BCLAF1: variants seen among roughly 807,000 people sequenced by gnomAD.
BCLAF1 encodes BCL2 associated transcription factor 1.
Under a neutral mutation model 99.5 loss-of-function variants are expected in BCLAF1, and 10 were observed. That is an observed-to-expected ratio of 0.10 (90% CI 0.06 to 0.17). The LOEUF is 0.17. Ranked by LOEUF, BCLAF1 falls within the 10% of genes least tolerant of loss-of-function variation. BCLAF1 has a pLI of 1.00. For missense variants in BCLAF1, 636 were observed against 1,105.8 expected (o/e 0.58, Z 6.02); for synonymous variants, 255 against 370.9 (o/e 0.69, Z 3.59).
At chr6:136,289,126 G>C (rs183603510) in intron 1 of BCLAF1, among the ~76,000 whole-genome samples, 1 of 152,330 alleles carries the variant, frequency 6.6e-6, no homozygotes, top group East Asian at 1.9e-4. Flanking sequence ...TCACAAAAAC[G>C]AGGCATTAAC....
At chr6:136,269,312 C>A (rs746961582) in intron 9 of BCLAF1, 125 bp downstream of exon 9, 3 of 1,536,112 alleles carry the variant, frequency 2.0e-6, no homozygotes, top group South Asian at 2.4e-5. Context: ...TGCTGTAAAA[C>A]AAATAATTTT....
rs1032161920 is a variant in BCLAF1, at chr6:136,275,763, G to T, written c.1683-62C>A. 3.8e-6 allele frequency: 6 copies of T among 1,560,756 alleles called. No individual in the cohort carries two copies. In the Admixed American group the frequency reaches 5.8e-5, roughly 15 times the overall value. On this transcript the variant is annotated intron_variant, in intron 5 of 12. Coordinates refer to ENST00000531224, the MANE Select transcript of BCLAF1 (RefSeq NM_014739.3). Reference sequence around the variant, plus strand: ...TACCATTGGTTTAAATATAAAAATGGTATGTTCAGAAAGTTTAAGATAATT... The same window carrying T: ...TACCATTGGTTTAAATATAAAAATGTTATGTTCAGAAAGTTTAAGATAATT...
chr6:136,271,957 G>C, intron 8 of BCLAF1, 38 bp downstream of exon 8: 1 of 1,450,016 alleles, frequency 6.9e-7, no homozygotes, highest in Non-Finnish European at 9.6e-7. Context: ...TAACTAAGCT[G>C]AACTTAACAC....
At chr6:136,265,539 T>C (rs577964760) in intron 11 of BCLAF1, among the ~76,000 whole-genome samples, 41 of 152,262 alleles carry the variant, frequency 2.7e-4, no homozygotes, top group Admixed American at 5.9e-4. Context: ...TAAAACTCTA[T>C]TTTCTTAAAA....
rs576334888 is a variant in BCLAF1, at chr6:136,284,165, G to A, written c.-114-1478C>T. On this transcript the variant is annotated intron_variant, in intron 1 of 12. Transcript: ENST00000531224. ...ATATATATATATATATATATCCAGA[G>A]AAGACCCAACTGCCAGATCTCTTTA... 1.3e-3 allele frequency among the ~76,000 whole-genome samples: 154 copies of A among 115,148 alleles called. 1 individual carries two copies. Among genetic ancestry groups the A allele is most frequent in the African/African-American group, 7.5e-3 (149 of 19,890 alleles). The allele number at this position is 115,148 out of a possible 152,430, so 75.5% of individuals were successfully genotyped here.
chr6:136,280,760 A>C lies in BCLAF1; in HGVS notation c.-10-884T>G, dbSNP rs542300687. Among the ~76,000 whole-genome samples the C allele has an allele frequency of 5.9e-5, 9 of 152,272 alleles. No individual in the cohort carries two copies. The South Asian group carries it at 1.9e-3, about 32-fold the overall frequency. On this transcript the variant is annotated intron_variant, in intron 2 of 12. Coordinates refer to ENST00000531224, the MANE Select transcript of BCLAF1 (RefSeq NM_014739.3). Reference sequence around the variant, plus strand: ...ATTGAAAAAACATACACATATAGCAAATCACTGCATGCATATCCCAAATGT... The same window carrying C: ...ATTGAAAAAACATACACATATAGCACATCACTGCATGCATATCCCAAATGT...
At chr6:136,276,571 A>G (rs931774890) in intron 4 of BCLAF1, 63 bp from the exon 5 acceptor site, 14 of 1,496,514 alleles carry the variant, frequency 9.4e-6, no homozygotes, top group African/African-American at 7.0e-5. Context: ...TCGCTTCCAT[A>G]TTTAAATGTG....
chr6:136,260,259 T>G lies in BCLAF1; in HGVS notation c.*851A>C, dbSNP rs1478629025. ...TACATACCAACCCCAGGATTACAGT[T>G]TTTCTTCTGTTTAAAACTAGGATGT... is the stretch of plus-strand genomic sequence containing the variant. On this transcript the variant is annotated 3_prime_UTR_variant, in exon 13 of 13. Transcript: ENST00000531224. 6.6e-6 allele frequency: 1 copy of G among 152,030 alleles called. No individual in the cohort carries two copies. Among genetic ancestry groups the G allele is most frequent in the Non-Finnish European group, 1.5e-5 (1 of 67,902 alleles). 9.4% of individuals were successfully genotyped at this position (152,030 alleles called of 1,614,324 possible). A position where few individuals can be genotyped will look rare whatever the true frequency, so the allele number is the denominator to read the frequency against.
At chr6:136,289,320 T>C (rs930788383) in intron 1 of BCLAF1, among the ~76,000 whole-genome samples, 5 of 152,200 alleles carry the variant, frequency 3.3e-5, no homozygotes, top group African/African-American at 9.7e-5. Flanking sequence ...GTCGGCGCCA[T>C]AGGCGGGGGA....
At chr6:136,261,507 G>A (rs1554212857) in intron 11 of BCLAF1, 30 bp from the exon 12 acceptor site, 14 of 1,585,264 alleles carry the variant, frequency 8.8e-6, no homozygotes, top group Non-Finnish European at 1.2e-5. Flanking sequence ...AATTGTCAAT[G>A]AAATGTTTCT....
rs968045222 is a variant in BCLAF1 at position 136,289,815 on chromosome 6, A to C, written c.-217T>G. ...GAGGAAAACCATAGAGCTACCTTCG[A>C]CGCGCTAGCACGTCTCCGTCACTTC... is the stretch of plus-strand genomic sequence containing the variant. On this transcript the variant is annotated 5_prime_UTR_variant, in exon 1 of 13. Coordinates refer to ENST00000531224, the MANE Select transcript of BCLAF1 (RefSeq NM_014739.3). 2.0e-5 allele frequency: 3 copies of C among 152,630 alleles called. No homozygotes were observed. Among genetic ancestry groups the C allele is most frequent in the African/African-American group, 7.2e-5 (3 of 41,444 alleles). The allele number at this position is 152,630 out of a possible 1,614,324, so 9.5% of individuals were successfully genotyped here.
rs191881016 is a variant in BCLAF1 at position 136,266,035 on chromosome 6, A to G, written c.2544+994T>C. Among the ~76,000 whole-genome samples the G allele has an allele frequency of 1.6e-3, 238 of 151,730 alleles. 1 individual carries two copies. The highest frequency in any genetic ancestry group is 0.012 in the East Asian group (63 of 5,178). On this transcript the variant is annotated intron_variant, in intron 11 of 12. Coordinates refer to ENST00000531224, the MANE Select transcript of BCLAF1 (RefSeq NM_014739.3). ...ACTGAGAAAACATTATGCATAACGC[A>G]CTCTGTAACTTTTTTTTTTTGGTTC... is the stretch of plus-strand genomic sequence containing the variant.
intron 3 of BCLAF1, among the ~76,000 whole-genome samples, chr6:136,279,237 T>C (rs910721706): frequency 6.6e-6 from 1 of 152,166 alleles, no homozygotes; most frequent in African/African-American, 2.4e-5. Context: ...GGAAAAAGAA[T>C]GAGCATCAAC....
At chr6:136,262,921 C>T (rs1781214084) in intron 11 of BCLAF1, among the ~76,000 whole-genome samples, 1 of 152,076 alleles carries the variant, frequency 6.6e-6, no homozygotes, top group Non-Finnish European at 1.5e-5. Flanking sequence ...TTTGGGCAAC[C>T]TCTCTAGAAT....
chr6:136,273,196 T>G lies in BCLAF1; in HGVS notation c.1853-9A>C, dbSNP rs1782782430. On this transcript the variant is annotated splice_polypyrimidine_tract_variant and intron_variant, in intron 6 of 12. Coordinates refer to ENST00000531224, the MANE Select transcript of BCLAF1 (RefSeq NM_014739.3). The stretch of plus-strand genomic sequence containing the variant: ...TGACTTGAAGTATTGCTCTGTTGAT[T>G]TAGAAGAAATACTGTCCGATTAGTT... 1 of 1,607,126 alleles carries G rather than the reference T, an allele frequency of 6.2e-7. No homozygotes were observed.
At chr6:136,289,434 G>A (rs1785648176) in intron 1 of BCLAF1, among the ~76,000 whole-genome samples, 1 of 152,160 alleles carries the variant, frequency 6.6e-6, no homozygotes, top group Non-Finnish European at 1.5e-5. Flanking sequence ...ATATGCGCAC[G>A]CGCACGGGAG....
In BCLAF1 at chr6:136,259,209, G is replaced by A. The variant is rs565314548; in HGVS notation, c.*1901C>T. 1 of 151,980 alleles carries A rather than the reference G, an allele frequency of 6.6e-6. No individual in the cohort carries two copies. Among genetic ancestry groups the A allele is most frequent in the South Asian group, 2.1e-4 (1 of 4,820 alleles). 9.4% of individuals were successfully genotyped at this position (151,980 alleles called of 1,614,324 possible). A position where few individuals can be genotyped will look rare whatever the true frequency, so the allele number is the denominator to read the frequency against. On this transcript the variant is annotated 3_prime_UTR_variant, in exon 13 of 13. Coordinates refer to ENST00000531224, the MANE Select transcript of BCLAF1 (RefSeq NM_014739.3). Reference sequence around the variant, plus strand: ...GTTTAACAGAATAAAAGTAACCAAAGGTTAAAGCAATGCATTTGAACTTAA... The same window carrying A: ...GTTTAACAGAATAAAAGTAACCAAAAGTTAAAGCAATGCATTTGAACTTAA...
chr6:136,274,884 A>G (rs1039917448), intron 6 of BCLAF1, among the ~76,000 whole-genome samples: 1 of 151,946 alleles, frequency 6.6e-6, no homozygotes, highest in African/African-American at 2.4e-5. Flanking sequence ...TGAAATAAAC[A>G]ACCTTATCTT....
intron 2 of BCLAF1, among the ~76,000 whole-genome samples, chr6:136,282,376 G>C (rs1438903786): frequency 2.0e-5 from 3 of 151,838 alleles, no homozygotes; most frequent in African/African-American, 4.8e-5. Flanking sequence ...GAAAAAGCAG[G>C]AGCACAACCT....
Sources: gnomAD v4.1 joint callset for allele counts (sites outside exome capture counted in the v4.1 genomes callset) on GRCh38, gnomAD v4.1.1 for gene constraint, MANE v1.5 for transcripts, NCBI Gene and HGNC (gene_info 2026-07-23, HGNC 2026-07-21) for gene names.